OGDH: variants seen among roughly 807,000 people sequenced by gnomAD.
The protein encoded by OGDH is oxoglutarate dehydrogenase.
In OGDH, 38 loss-of-function variants were observed where a neutral mutation model predicts 116.6. That is an observed-to-expected ratio of 0.33 (90% CI 0.25 to 0.43). The LOEUF (loss-of-function observed/expected upper bound fraction) is 0.43. Ranked by LOEUF, OGDH falls within the 20% of genes least tolerant of loss-of-function variation. OGDH has a pLI of 1.00. For synonymous variants in OGDH, 488 were observed against 533.3 expected, an observed-to-expected ratio of 0.92 and a Z score of 1.17; for missense variants, 825 against 1,357.2, an observed-to-expected ratio of 0.61 and a Z score of 6.16.
At chr7:44,610,958 T>C (rs1297749799) in intron 1 of OGDH, among the ~76,000 whole-genome samples, 1 of 152,222 alleles carries the variant, frequency 6.6e-6, no homozygotes, top group Non-Finnish European at 1.5e-5. Context: ...TTTATAATTT[T>C]GATGAGGTCT....
chr7:44,608,948 C>G (rs1257839916), intron 1 of OGDH, among the ~76,000 whole-genome samples: 4 of 152,088 alleles, frequency 2.6e-5, no homozygotes, highest in African/African-American at 9.7e-5. Flanking sequence ...AATATCACAG[C>G]CAGATATTGA....
At chr7:44,673,598 C>G (rs576353951) in intron 5 of OGDH, among the ~76,000 whole-genome samples, 189 bp from the exon 6 acceptor site, 33 of 152,238 alleles carry the variant, frequency 2.2e-4, no homozygotes, top group Non-Finnish European at 4.1e-4. Flanking sequence ...GGAAGCACTT[C>G]ATGACCCTAT....
At chr7:44,622,089 T>C (rs761663778) in intron 1 of OGDH, among the ~76,000 whole-genome samples, 12 of 152,196 alleles carry the variant, frequency 7.9e-5, no homozygotes, top group Non-Finnish European at 1.3e-4. Flanking sequence ...TGATAGTTAA[T>C]GAGGTGATGC....
intron 1 of OGDH, among the ~76,000 whole-genome samples, chr7:44,623,368 C>T (rs1274502221): frequency 6.6e-6 from 1 of 152,162 alleles, no homozygotes; most frequent in Non-Finnish European, 1.5e-5. Context: ...GCAATCTTTT[C>T]TATGTTGTTT....
Position 44,708,851 on chromosome 7 carries a change from CG to C in OGDH, c.*853del, listed in dbSNP as rs1243124649. ...ACCCAATGGAGACTTTCTGATGCAT[CG>C]TTTTCTTTGCTGTGCCAAAGCAGGT... On this transcript the variant is annotated 3_prime_UTR_variant, in exon 23 of 23. Transcript: ENST00000222673. The C allele has an allele frequency of 1.3e-5, 2 of 152,136 alleles. No individual in the cohort carries two copies. Among genetic ancestry groups the C allele is most frequent in the African/African-American group, 4.8e-5 (2 of 41,430 alleles). 9.4% of individuals were successfully genotyped at this position (152,136 alleles called of 1,614,324 possible).
At position 44,645,419 on chromosome 7, in the gene OGDH, T is replaced by C; in HGVS notation, c.315T>C (p.Ala105=). ...SPLPLSRGSL[A]AVAHAQSLVE... ...TTCCCCTGAGCCGAGGCTCCCTGGC[T>C]GCTGTGGCCCATGCACAGTCCCTGG... The change falls in exon 3 of 23, where the codon GCT becomes GCC. Residue 105 remains alanine, a synonymous_variant. Coordinates refer to ENST00000222673, the MANE Select transcript of OGDH (RefSeq NM_002541.4). 1.2e-6 allele frequency: 2 copies of C among 1,614,168 alleles called. No individual in the cohort carries two copies. Among genetic ancestry groups the C allele is most frequent in the South Asian group, 2.2e-5 (2 of 91,080 alleles).
chr7:44,636,243 C>T (rs1402189510), intron 2 of OGDH, among the ~76,000 whole-genome samples: 1 of 152,208 alleles, frequency 6.6e-6, no homozygotes, highest in Non-Finnish European at 1.5e-5. Flanking sequence ...CAATGGGTGT[C>T]AGCTACTGCT....
intron 2 of OGDH, among the ~76,000 whole-genome samples, chr7:44,638,204 GA>G (rs1344012249): frequency 6.6e-6 from 1 of 152,192 alleles, no homozygotes; most frequent in Non-Finnish European, 1.5e-5. Context: ...AGCCAATTAA[GA>G]GATTGGAGAG....
chr7:44,696,441 T>C lies in OGDH; in HGVS notation c.1784T>C (p.Leu595Pro), dbSNP rs1313994356. 6.2e-7 allele frequency: 1 copy of C among 1,613,798 alleles called. No homozygotes were observed. Among genetic ancestry groups the C allele is most frequent in the Non-Finnish European group, 8.5e-7 (1 of 1,179,938 alleles). The change falls in exon 14 of 23, where the codon CTG becomes CCG. Residue 595 changes from leucine (L) to proline (P), a missense_variant. By Grantham distance (98) the Leu-to-Pro change is moderately conservative. Transcript: ENST00000222673. The part of the protein sequence containing the change: ...LDSPWPGFFT[L>P]DGQPRSMSCP... ...CTTCTTCTCCTAGGCTTCTTCACCC[T>C]GGACGGGCAGCCCAGGAGCATGTCC...
intron 2 of OGDH, among the ~76,000 whole-genome samples, chr7:44,632,023 G>A (rs73692173): frequency 0.033 from 4,958 of 152,302 alleles, 249 homozygotes; most frequent in African/African-American, 0.11. Context: ...TTCAGGGCCA[G>A]GAGCCAGACG....
chr7:44,662,398 A>T (rs1315942204), intron 4 of OGDH, among the ~76,000 whole-genome samples: 2 of 151,854 alleles, frequency 1.3e-5, no homozygotes, highest in Middle Eastern at 3.4e-3. Context: ...GGTTAGACAT[A>T]ATCCTTTTCC....
intron 4 of OGDH, among the ~76,000 whole-genome samples, chr7:44,651,124 A>G (rs1421305592): frequency 6.6e-6 from 1 of 152,228 alleles, no homozygotes; most frequent in Non-Finnish European, 1.5e-5. Context: ...CTCAAAGGGC[A>G]CTGATGATGC....
chr7:44,663,162 G>T (rs1314081063), intron 4 of OGDH, among the ~76,000 whole-genome samples: 1 of 151,862 alleles, frequency 6.6e-6, no homozygotes, highest in Non-Finnish European at 1.5e-5. Context: ...CTGTTGTTCC[G>T]TCTTCAAATA....
chr7:44,674,517 G>C lies in OGDH; in HGVS notation c.895G>C (p.Glu299Gln). Residue 299 changes from glutamate (E) to glutamine (Q), a missense_variant, in exon 7 of 23, where the codon GAG (glutamate) becomes CAG (glutamine). By Grantham distance (29) the Glu-to-Gln change is conservative. This residue lies in a region of OGDH where 171 missense variants were observed against 276.8 expected (regional missense o/e 0.62). Transcript: ENST00000222673. The part of the protein sequence containing the change: ...ALKTIIDKSS[E>Q]NGVDYVIMGM... ...CAAGACCATCATTGACAAGTCTAGT[G>C]AGAATGGCGTGGACTACGTGATCAT... 2 of 1,614,188 alleles carry C rather than the reference G, an allele frequency of 1.2e-6. No individual in the cohort carries two copies. Among genetic ancestry groups the C allele is most frequent in the Non-Finnish European group, 1.7e-6 (2 of 1,180,032 alleles).
intron 2 of OGDH, among the ~76,000 whole-genome samples, chr7:44,644,443 A>G (rs1786082583): frequency 6.6e-6 from 1 of 152,260 alleles, no homozygotes. Flanking sequence ...AAGGAAATTC[A>G]AACTGATAAC....
At chr7:44,628,807 G>A (rs561761615) in intron 2 of OGDH, among the ~76,000 whole-genome samples, 209 of 151,884 alleles carry the variant, frequency 1.4e-3, no homozygotes, top group African/African-American at 4.3e-3. Flanking sequence ...TATATTTGTG[G>A]TAAAATATTT....
At position 44,707,231 on chromosome 7, in the gene OGDH, A is replaced by C; in HGVS notation, c.2639A>C (p.His880Pro). The change falls in exon 21 of 23, where the codon CAC (histidine) becomes CCC (proline). Residue 880 changes from histidine (H) to proline (P), a missense_variant. Coordinates refer to ENST00000222673, the MANE Select transcript of OGDH (RefSeq NM_002541.4). This position sits in a 1 kb window ranked among gnomAD's most constrained non-coding sequence, Gnocchi z 5.2. ...CATGGGAACTCTCTTGTAGGAACCC[A>C]CTTCCAGCGGGTGATCCCAGAAGAT... Reference protein sequence around the residue: ...SSFDEMLPGTHFQRVIPEDGP... With the variant: ...SSFDEMLPGTPFQRVIPEDGP... The C allele has an allele frequency of 6.2e-7, 1 of 1,614,138 alleles. No homozygotes were observed. Among genetic ancestry groups the C allele is most frequent in the Non-Finnish European group, 8.5e-7 (1 of 1,179,982 alleles).
chr7:44,620,958 A>G (rs1203033207), intron 1 of OGDH, among the ~76,000 whole-genome samples: 1 of 152,244 alleles, frequency 6.6e-6, no homozygotes. Context: ...TCTCTACCAA[A>G]TAACGTACTA....
At chr7:44,621,560 G>A (rs1395405577) in intron 1 of OGDH, among the ~76,000 whole-genome samples, 3 of 152,096 alleles carry the variant, frequency 2.0e-5, no homozygotes, top group Non-Finnish European at 2.9e-5. Flanking sequence ...AGCTCTTCCC[G>A]TGAGTCATCT....
Sources: allele counts gnomAD v4.1 joint callset (sites outside exome capture counted in the v4.1 genomes callset), GRCh38; gene constraint gnomAD v4.1.1; regional missense constraint gnomAD v4.1.1; non-coding constraint Gnocchi (gnomAD v3.1); transcripts MANE v1.5; gene names NCBI Gene and HGNC (gene_info 2026-07-23, HGNC 2026-07-21).